Variants in SNX9 observed in about 807,000 individuals in gnomAD.
SNX9 encodes sorting nexin 9, also known as sorting nexin-9.
Under a neutral mutation model 89.4 loss-of-function variants are expected in SNX9, and 44 were observed. The ratio of observed to expected loss-of-function variants is 0.49; its 90% CI spans 0.39 to 0.63. SNX9 has a LOEUF of 0.63. Ranked by LOEUF, SNX9 falls within the 30% of genes least tolerant of loss-of-function variation. The pLI is 0.00. For synonymous variants in SNX9, 236 were observed against 247.8 expected (o/e 0.95, Z 0.45); for missense variants, 578 against 736.1 (o/e 0.79, Z 2.49).
intron 6 of SNX9, among the ~76,000 whole-genome samples, chr6:157,905,289 A>C (rs901127394): frequency 7.2e-5 from 11 of 152,358 alleles, no homozygotes; most frequent in African/African-American, 2.4e-4. Context: ...CATGAATGAA[A>C]GTAGAAGCAA....
intron 9 of SNX9, among the ~76,000 whole-genome samples, chr6:157,915,657 A>ATATATATATATATATATATATATATG (rs1783451231): frequency 4.7e-5 from 6 of 128,674 alleles, no homozygotes; most frequent in African/African-American, 1.5e-4. Context: ...ATATATATAT[A>ATATATATATATATATATATATATATG]CACACACACA....
intron 4 of SNX9, among the ~76,000 whole-genome samples, chr6:157,876,016 T>G (rs1006472916): frequency 3.9e-5 from 6 of 152,000 alleles, no homozygotes; most frequent in African/African-American, 1.2e-4. Context: ...ATTAAAATAT[T>G]GTTAACTGCT....
At chr6:157,921,439 A>G in intron 9 of SNX9, 92 bp from the exon 10 acceptor site, 3 of 1,326,014 alleles carry the variant, frequency 2.3e-6, no homozygotes, top group Non-Finnish European at 3.1e-6. Context: ...CCCAATAGCC[A>G]GTAGACATAG....
chr6:157,858,142 C>G (rs1338898064), intron 1 of SNX9, among the ~76,000 whole-genome samples: 1 of 152,152 alleles, frequency 6.6e-6, no homozygotes, highest in Non-Finnish European at 1.5e-5. Context: ...AGCCCCCACC[C>G]CATGTATAAG....
Position 157,901,919 on chromosome 6 carries a change from G to A in SNX9, c.494G>A (p.Trp165Ter). The change falls in exon 6 of 18, where the codon TGG (tryptophan) becomes TAG (stop). Residue 165 changes from tryptophan to a stop codon, truncating the protein, a stop_gained. Coordinates refer to ENST00000392185, the MANE Select transcript of SNX9 (RefSeq NM_016224.5). LOFTEE classifies it high-confidence loss of function. ...QGPATGDDDD[W>*]DEDWDGPKSS... ...CTAGCAACTGGTGATGATGATGACT[G>A]GGATGAAGACTGGGATGGGCCCAAA... 1 of 1,610,814 alleles carries A rather than the reference G, an allele frequency of 6.2e-7. No homozygotes were observed. The highest frequency in any genetic ancestry group is 8.5e-7 in the Non-Finnish European group (1 of 1,178,594).
chr6:157,848,499 T>C (rs1195712897), intron 1 of SNX9, among the ~76,000 whole-genome samples: 1 of 152,272 alleles, frequency 6.6e-6, no homozygotes, highest in Non-Finnish European at 1.5e-5. Flanking sequence ...GTTAAAGTAT[T>C]GGCTTTTGGT....
chr6:157,823,596 C>A lies in SNX9; in HGVS notation c.12+150C>A. On this transcript the variant is annotated intron_variant, in intron 1 of 17. Transcript: ENST00000392185. The surrounding 1 kb of genome is among the most constrained non-coding windows in gnomAD (Gnocchi z 4.6). Reference sequence around the variant, plus strand: ...GTGGAGTCCCCGGGCGGGTCCGCGGCCCAGCCAGTCCCTTCTGGGCATGGG... The same window carrying A: ...GTGGAGTCCCCGGGCGGGTCCGCGGACCAGCCAGTCCCTTCTGGGCATGGG... The A allele has an allele frequency of 1.8e-6, 1 of 552,840 alleles. No individual in the cohort carries two copies. The highest frequency in any genetic ancestry group is 2.5e-6 in the Non-Finnish European group (1 of 400,634). 34.2% of individuals were successfully genotyped at this position (552,840 alleles called of 1,614,324 possible). A position where few individuals can be genotyped will look rare whatever the true frequency, so the allele number is the denominator to read the frequency against.
chr6:157,937,406 G>C (rs1384961013), intron 14 of SNX9, 28 bp from the exon 15 acceptor site: 16 of 1,509,194 alleles, frequency 1.1e-5, no homozygotes, highest in Non-Finnish European at 1.5e-5. Context: ...TTCTCTGCCA[G>C]TAACAATCAG....
intron 1 of SNX9, among the ~76,000 whole-genome samples, chr6:157,862,271 AAAGT>A (rs763927487): frequency 1.1e-4 from 17 of 152,214 alleles, no homozygotes; most frequent in Non-Finnish European, 1.8e-4. Flanking sequence ...AGGGTCTGTG[AAAGT>A]AAGTTCTGTT....
rs368403608 is a variant in SNX9 at position 157,942,772 on chromosome 6, T to C, written c.1741-19T>C. ...TGGGAGTGATATCTCAACGTTGTTT[T>C]GTTTTGCTTTCTTGTCAGATTGCAG... On this transcript the variant is annotated intron_variant, in intron 17 of 17. Coordinates refer to ENST00000392185, the MANE Select transcript of SNX9 (RefSeq NM_016224.5). 9.3e-6 allele frequency: 15 copies of C among 1,613,862 alleles called. No homozygotes were observed. The highest frequency in any genetic ancestry group is 1.3e-5 in the Non-Finnish European group (15 of 1,179,914).
Position 157,944,509 on chromosome 6 carries a change from T to A in SNX9, c.*1671T>A, listed in dbSNP as rs1012246299. 3 of 152,664 alleles carry A rather than the reference T, an allele frequency of 2.0e-5. No homozygotes were observed. Among genetic ancestry groups the A allele is most frequent in the Non-Finnish European group, 4.4e-5 (3 of 68,046 alleles). 9.5% of individuals were successfully genotyped at this position (152,664 alleles called of 1,614,324 possible). ...TAAATTGTTTAAAAAAACTGTACAG[T>A]AAATTCTCAAAGCACTTTTTCAAAA... On this transcript the variant is annotated 3_prime_UTR_variant, in exon 18 of 18. Transcript: ENST00000392185.
At chr6:157,883,510 T>C (rs1042768416) in intron 4 of SNX9, among the ~76,000 whole-genome samples, 7 of 152,216 alleles carry the variant, frequency 4.6e-5, no homozygotes, top group Non-Finnish European at 8.8e-5. Flanking sequence ...GAACGGTTCA[T>C]GGTAGGGAAA....
intron 11 of SNX9, among the ~76,000 whole-genome samples, chr6:157,928,390 C>G (rs946642244): frequency 6.6e-6 from 1 of 152,116 alleles, no homozygotes; most frequent in African/African-American, 2.4e-5. Flanking sequence ...ATTGTATAGG[C>G]AGAAAGGAAG....
chr6:157,941,857 C>T (rs1784042890), intron 17 of SNX9, among the ~76,000 whole-genome samples: 1 of 152,224 alleles, frequency 6.6e-6, no homozygotes, highest in African/African-American at 2.4e-5. Flanking sequence ...GAGGAACTCA[C>T]CTAAGCCCTG....
intron 1 of SNX9, among the ~76,000 whole-genome samples, chr6:157,841,907 A>G (rs950701595): frequency 6.6e-6 from 1 of 152,224 alleles, no homozygotes; most frequent in Admixed American, 6.5e-5. Flanking sequence ...AAAGTAGAAC[A>G]GCACAGTGAC....
intron 1 of SNX9, among the ~76,000 whole-genome samples, chr6:157,849,619 A>T (rs1781868651): frequency 2.6e-5 from 4 of 152,212 alleles, no homozygotes; most frequent in Admixed American, 2.6e-4. Context: ...CACACATGGG[A>T]TGGAGAGAAG....
intron 9 of SNX9, 38 bp downstream of exon 9, chr6:157,910,063 G>C: frequency 6.8e-7 from 1 of 1,477,258 alleles, no homozygotes; most frequent in Non-Finnish European, 9.5e-7. Flanking sequence ...ATGACAAATA[G>C]AAAGACTCCA....
At chr6:157,928,734 G>C in intron 12 of SNX9, 32 bp downstream of exon 12, 1 of 1,500,400 alleles carries the variant, frequency 6.7e-7, no homozygotes, top group East Asian at 2.5e-5. Flanking sequence ...CACTGGGCTC[G>C]TAGGGGGTGA....
intron 4 of SNX9, among the ~76,000 whole-genome samples, chr6:157,879,353 G>A (rs1782581345): frequency 6.6e-6 from 1 of 152,196 alleles, no homozygotes. Context: ...TGTACAGATA[G>A]AGGTATGATT....
Sources: allele counts gnomAD v4.1 joint callset (sites outside exome capture counted in the v4.1 genomes callset), GRCh38; gene constraint gnomAD v4.1.1; non-coding constraint Gnocchi (gnomAD v3.1); transcripts MANE v1.5; gene names NCBI Gene and HGNC (gene_info 2026-07-23, HGNC 2026-07-21).